Variants in PAPPA observed in about 807,000 individuals in gnomAD.
The protein encoded by PAPPA is pappalysin 1, also known as pappalysin-1.
PAPPA carries 60 observed loss-of-function variants against 164.0 expected under a neutral mutation model. The observed-to-expected ratio is 0.37, with a 90% CI of 0.30 to 0.45. PAPPA has a LOEUF of 0.45. Ranked by LOEUF, PAPPA falls within the 20% of genes least tolerant of loss-of-function variation. The probability of loss-of-function intolerance (pLI) is 1.00; values close to 1 mark genes in which losing one functional copy is unlikely to be tolerated. For synonymous variants in PAPPA, 875 were observed against 814.1 expected, an observed-to-expected ratio of 1.07 and a Z score of -1.27; for missense variants, 1,782 against 2,087.3, an observed-to-expected ratio of 0.85 and a Z score of 2.85.
At position 116,331,263 on chromosome 9, in the gene PAPPA, T is replaced by C. The variant is rs1364555262; in HGVS notation, c.3167T>C (p.Ile1056Thr). Reference sequence around the variant, plus strand: ...TTCCAGGTGTGTCGAACCAAGGTGATAGATCTCAGTGAAGGCATTTCCCAG... The same window carrying C: ...TTCCAGGTGTGTCGAACCAAGGTGACAGATCTCAGTGAAGGCATTTCCCAG... ...AASQVCRTKVIDLSEGISQHA... is the reference protein window; with the variant it reads ...AASQVCRTKVTDLSEGISQHA... Residue 1056 changes from isoleucine to threonine, a missense_variant, in exon 11 of 22, where the codon ATA becomes ACA. This residue lies in a region of PAPPA where 1,324 missense variants were observed against 1,656.9 expected (regional missense o/e 0.80). Coordinates refer to ENST00000328252, the MANE Select transcript of PAPPA (RefSeq NM_002581.5). The C allele has an allele frequency of 1.9e-6, 3 of 1,608,478 alleles. No homozygotes were observed. Among genetic ancestry groups the C allele is most frequent in the East Asian group, 4.5e-5 (2 of 44,854 alleles).
At chr9:116,351,425 AC>A (rs1456847438) in intron 15 of PAPPA, among the ~76,000 whole-genome samples, 2 of 152,216 alleles carry the variant, frequency 1.3e-5, no homozygotes, top group African/African-American at 4.8e-5. Flanking sequence ...GACATTGACA[AC>A]ACTTTTATAG....
intron 1 of PAPPA, among the ~76,000 whole-genome samples, chr9:116,159,709 T>A (rs1233741219): frequency 6.6e-6 from 1 of 152,100 alleles, no homozygotes; most frequent in African/African-American, 2.4e-5. Flanking sequence ...CAAGTAGAAG[T>A]GATAAAGGCT....
At chr9:116,263,455 AG>A (rs1157845906) in intron 7 of PAPPA, among the ~76,000 whole-genome samples, 2 of 152,308 alleles carry the variant, frequency 1.3e-5, no homozygotes, top group African/African-American at 4.8e-5. Flanking sequence ...TGCCTCACCA[AG>A]GTTACATTAC....
rs184630632 is a variant in PAPPA at position 116,216,174 on chromosome 9, G to A, written c.1919-3763G>A. On this transcript the variant is annotated intron_variant, in intron 4 of 21. Coordinates refer to ENST00000328252, the MANE Select transcript of PAPPA (RefSeq NM_002581.5). ...CAAAAAGACAGAGAGTTTCACACAA[G>A]GCAACTTAGTTATCCATTCACTAGA... Among the ~76,000 whole-genome samples, 616 of 152,164 alleles carry A rather than the reference G, an allele frequency of 4.0e-3. 8 individuals are homozygous for A. Among genetic ancestry groups the A allele is most frequent in the Admixed American group, 0.033 (505 of 15,278 alleles).
chr9:116,237,354 C>A (rs1053812355), intron 7 of PAPPA, among the ~76,000 whole-genome samples: 2 of 152,184 alleles, frequency 1.3e-5, no homozygotes, highest in African/African-American at 4.8e-5. Context: ...CTGTCTCTTC[C>A]ATCTCCTCAC....
chr9:116,286,285 T>C (rs1207185997), intron 9 of PAPPA: 1 of 152,134 alleles, frequency 6.6e-6, no homozygotes, highest in African/African-American at 2.4e-5. Context: ...GGTATTTGGA[T>C]CACCCCATAA....
chr9:116,240,949 C>T (rs1844728447), intron 7 of PAPPA, among the ~76,000 whole-genome samples: 3 of 152,222 alleles, frequency 2.0e-5, no homozygotes, highest in Admixed American at 2.0e-4. Flanking sequence ...ATTAATTCTT[C>T]TCTCACATTC....
chr9:116,154,524 G>A lies in PAPPA; in HGVS notation c.352G>A (p.Ala118Thr). The A allele has an allele frequency of 1.4e-6, 2 of 1,400,932 alleles. No homozygotes were observed. The highest frequency in any genetic ancestry group is 9.3e-7 in the Non-Finnish European group (1 of 1,075,198). The allele number at this position is 1,400,932 out of a possible 1,614,324, so 86.8% of individuals were successfully genotyped here. Residue 118 changes from alanine (A) to threonine (T), a missense_variant, in exon 1 of 22, where the codon GCG (alanine) becomes ACG (threonine). Coordinates refer to ENST00000328252, the MANE Select transcript of PAPPA (RefSeq NM_002581.5). The surrounding 1 kb of genome is among the most constrained non-coding windows in gnomAD (Gnocchi z 5.2). ...LRADLELPRD[A>T]FTLQVWLRAE... ...GGCCGACCTCGAGCTGCCCCGGGAC[G>A]CGTTCACGCTGCAAGTGTGGCTGCG...
chr9:116,345,276 G>A (rs1331640361), intron 14 of PAPPA, among the ~76,000 whole-genome samples: 1 of 152,244 alleles, frequency 6.6e-6, no homozygotes, highest in South Asian at 2.1e-4. Flanking sequence ...GGGAATTGTA[G>A]GGTGTTGTGG....
chr9:116,302,117 T>C (rs778820437), intron 9 of PAPPA, among the ~76,000 whole-genome samples: 23 of 152,178 alleles, frequency 1.5e-4, no homozygotes, highest in Non-Finnish European at 3.2e-4. Context: ...TTATTAAAGA[T>C]GTATGGAATC....
intron 10 of PAPPA, among the ~76,000 whole-genome samples, chr9:116,329,562 A>G (rs1218928560): frequency 6.6e-6 from 1 of 152,132 alleles, no homozygotes; most frequent in Admixed American, 6.5e-5. Context: ...CACAGAGGCA[A>G]CTACCACCCT....
chr9:116,314,060 C>CTTTTTTTTTTTTTTTTTTTTTTTTTT lies in PAPPA; in HGVS notation c.3147+11115_3147+11140dup, dbSNP rs57871796. On this transcript the variant is annotated intron_variant, in intron 10 of 21. Coordinates refer to ENST00000328252, the MANE Select transcript of PAPPA (RefSeq NM_002581.5). ...ATTCAGTTCTGTCATTGCATCGAAT[C>CTTTTTTTTTTTTTTTTTTTTTTTTTT]TTTTTTTTTTTTTTTTTTTTTTTTT... Among the ~76,000 whole-genome samples the CTTTTTTTTTTTTTTTTTTTTTTTTTT allele has an allele frequency of 1.0e-4, 7 of 69,700 alleles. 1 individual carries two copies. The highest frequency in any genetic ancestry group is 4.6e-4 in the East Asian group (1 of 2,174). 45.7% of individuals were successfully genotyped at this position (69,700 alleles called of 152,430 possible). A position where few individuals can be genotyped will look rare whatever the true frequency, so the allele number is the denominator to read the frequency against.
chr9:116,302,553 T>C lies in PAPPA; in HGVS notation c.2954-204T>C, dbSNP rs187629690. 1.1e-3 allele frequency among the ~76,000 whole-genome samples: 174 copies of C among 152,300 alleles called. 1 individual carries two copies. Among genetic ancestry groups the C allele is most frequent in the African/African-American group, 4.1e-3 (170 of 41,560 alleles). On this transcript the variant is annotated intron_variant, in intron 9 of 21. Transcript: ENST00000328252. ...GTTTCCTATAACATGGTTATCTCCT[T>C]GAACATGGTTCATCCATGTTGTTGC...
At chr9:116,320,636 G>T (rs1313302395) in intron 10 of PAPPA, among the ~76,000 whole-genome samples, 3 of 152,152 alleles carry the variant, frequency 2.0e-5, no homozygotes, top group African/African-American at 7.2e-5. Context: ...TGCTCTGGAG[G>T]CCTGGGGAAA....
In PAPPA at chr9:116,289,300, A is replaced by G. The variant is rs865787692; in HGVS notation, c.2954-13457A>G. ...TATATAGCATATAAATAGCATATAT[A>G]TAGCATATATATGGCATATATATGG... On this transcript the variant is annotated intron_variant, in intron 9 of 21. Coordinates refer to ENST00000328252, the MANE Select transcript of PAPPA (RefSeq NM_002581.5). Among the ~76,000 whole-genome samples the G allele has an allele frequency of 8.3e-4, 119 of 144,096 alleles. No homozygotes were observed. The South Asian group carries it at 8.6e-3, about 10-fold the overall frequency. 94.5% of individuals were successfully genotyped at this position (144,096 alleles called of 152,430 possible).
At chr9:116,214,003 T>G (rs1296015596) in intron 4 of PAPPA, among the ~76,000 whole-genome samples, 2 of 152,174 alleles carry the variant, frequency 1.3e-5, no homozygotes, top group Non-Finnish European at 2.9e-5. Flanking sequence ...TCTCGTTGCT[T>G]TATCTTCCTG....
chr9:116,281,994 A>T (rs1845273829), intron 9 of PAPPA, among the ~76,000 whole-genome samples: 1 of 152,172 alleles, frequency 6.6e-6, no homozygotes. Context: ...TTGAACCAAG[A>T]TCTGCCCAAC....
intron 17 of PAPPA, among the ~76,000 whole-genome samples, chr9:116,355,478 G>A (rs1167350215): frequency 3.3e-5 from 5 of 152,190 alleles, no homozygotes; most frequent in Non-Finnish European, 4.4e-5. Context: ...CACTCTCGGC[G>A]TCTGTTTGCA....
intron 1 of PAPPA, among the ~76,000 whole-genome samples, chr9:116,177,507 G>A (rs1843851255): frequency 6.6e-6 from 1 of 152,204 alleles, no homozygotes; most frequent in Admixed American, 6.5e-5. Flanking sequence ...ATGAGGTTAG[G>A]TGTGAAAGGG....
Sources: gnomAD v4.1 joint callset for allele counts (sites outside exome capture counted in the v4.1 genomes callset) on GRCh38, gnomAD v4.1.1 for gene constraint, gnomAD v4.1.1 regional missense constraint, Gnocchi (gnomAD v3.1) non-coding constraint, MANE v1.5 for transcripts, NCBI Gene and HGNC (gene_info 2026-07-23, HGNC 2026-07-21) for gene names.